MECOM: variants seen among roughly 807,000 people sequenced by gnomAD.
MECOM encodes the protein MDS1 and EVI1 complex locus, also known as histone-lysine N-methyltransferase MECOM.
In MECOM, 13 loss-of-function variants were observed where a neutral mutation model predicts 116.3. The ratio of observed to expected loss-of-function variants is 0.11; its 90% CI spans 0.07 to 0.18. MECOM has a LOEUF of 0.18. Ranked by LOEUF, MECOM falls within the 10% of genes least tolerant of loss-of-function variation. The pLI is 1.00. For missense variants in MECOM, 1,299 were observed against 1,509.0 expected (o/e 0.86, Z 2.31); for synonymous variants, 528 against 535.2 (o/e 0.99, Z 0.19).
intron 3 of MECOM, chr3:169,133,256 C>T (rs1030968236): frequency 6.6e-6 from 1 of 152,052 alleles, no homozygotes; most frequent in African/African-American, 2.4e-5. Flanking sequence ...AGAAAAGCTG[C>T]ATAAGTTGAT....
chr3:169,219,493 C>T (rs529048923), intron 2 of MECOM, among the ~76,000 whole-genome samples: 2 of 152,154 alleles, frequency 1.3e-5, no homozygotes, highest in East Asian at 1.9e-4. Context: ...GGCGACAGAG[C>T]GAGACTCCGT....
intron 1 of MECOM, among the ~76,000 whole-genome samples, chr3:169,649,156 G>T (rs1164976889): frequency 1.3e-5 from 2 of 152,068 alleles, no homozygotes; most frequent in East Asian, 1.9e-4. Context: ...AATGTGATAG[G>T]CAGACTTTCC....
intron 2 of MECOM, among the ~76,000 whole-genome samples, chr3:169,219,769 G>T (rs1220465460): frequency 6.7e-6 from 1 of 148,804 alleles, no homozygotes; most frequent in Admixed American, 6.7e-5. Context: ...ATATATAATG[G>T]TATATATATA....
At chr3:169,206,014 C>T (rs1488782115) in intron 2 of MECOM, among the ~76,000 whole-genome samples, 1 of 152,100 alleles carries the variant, frequency 6.6e-6, no homozygotes, top group African/African-American at 2.4e-5. Context: ...AGTAGCGCAG[C>T]CCCCTTTAGA....
chr3:169,257,966 A>G (rs1757056329), intron 2 of MECOM, among the ~76,000 whole-genome samples: 1 of 152,234 alleles, frequency 6.6e-6, no homozygotes, highest in African/African-American at 2.4e-5. Flanking sequence ...CATGCCCGCA[A>G]TATCAGCACT....
At chr3:169,452,314 A>G (rs1226094985) in intron 1 of MECOM, among the ~76,000 whole-genome samples, 1 of 151,046 alleles carries the variant, frequency 6.6e-6, no homozygotes, top group African/African-American at 2.5e-5. Flanking sequence ...ATTGTTAAAA[A>G]TTTTTAAATT....
intron 2 of MECOM, among the ~76,000 whole-genome samples, chr3:169,245,527 T>C (rs1333356230): frequency 6.6e-6 from 1 of 152,214 alleles, no homozygotes; most frequent in African/African-American, 2.4e-5. Context: ...TAGTTTTAAA[T>C]AATCATTTTT....
chr3:169,113,239 T>C (rs1728016355), intron 8 of MECOM, among the ~76,000 whole-genome samples: 1 of 152,070 alleles, frequency 6.6e-6, no homozygotes, highest in Non-Finnish European at 1.5e-5. Context: ...TCAAGGCTGA[T>C]TTTGAATATT....
At chr3:169,286,993 A>C (rs1419914535) in intron 2 of MECOM, among the ~76,000 whole-genome samples, 2 of 152,156 alleles carry the variant, frequency 1.3e-5, no homozygotes, top group South Asian at 2.1e-4. Flanking sequence ...ATGAGTCCTA[A>C]ATAATAAATC....
chr3:169,457,752 T>C lies in MECOM; in HGVS notation c.38-76228A>G, dbSNP rs183590775. ...GGCCACATACCTGTAATGCCATCAG[T>C]CTTCCAGGCCCTCACTGAGGATTTG... On this transcript the variant is annotated intron_variant, in intron 1 of 16. Transcript: ENST00000651503. 2.1e-3 allele frequency among the ~76,000 whole-genome samples: 320 copies of C among 152,344 alleles called. 2 individuals are homozygous for C. The highest frequency in any genetic ancestry group is 3.4e-3 in the Middle Eastern group (1 of 294).
intron 1 of MECOM, among the ~76,000 whole-genome samples, chr3:169,536,072 C>G (rs1294036274): frequency 2.6e-5 from 4 of 152,210 alleles, no homozygotes; most frequent in Non-Finnish European, 4.4e-5. Context: ...CACCCACCTT[C>G]TGGTACCATA....
intron 1 of MECOM, among the ~76,000 whole-genome samples, chr3:169,546,858 G>T (rs3922265): frequency 0.22 from 32,938 of 152,158 alleles, 4,630 homozygotes; most frequent in East Asian, 0.7. Flanking sequence ...TCCAAAGGGG[G>T]TTCCTAGAGC....
At chr3:169,369,421 A>T (rs1729723507) in intron 2 of MECOM, among the ~76,000 whole-genome samples, 1 of 135,368 alleles carries the variant, frequency 7.4e-6, no homozygotes, top group Non-Finnish European at 1.5e-5. Context: ...AATACGGCTC[A>T]CTGCATCCTT....
At chr3:169,282,681 G>C (rs573825200) in intron 2 of MECOM, among the ~76,000 whole-genome samples, 28 of 152,080 alleles carry the variant, frequency 1.8e-4, no homozygotes, top group Non-Finnish European at 2.6e-4. Context: ...CCCTCATTAA[G>C]AATGTAATCT....
chr3:169,593,939 T>C (rs1228550373), intron 1 of MECOM, among the ~76,000 whole-genome samples: 1 of 152,020 alleles, frequency 6.6e-6, no homozygotes, highest in Non-Finnish European at 1.5e-5. Flanking sequence ...GTCAACATAG[T>C]GAAACCTTGT....
intron 12 of MECOM, among the ~76,000 whole-genome samples, chr3:169,095,735 T>C (rs1379041573): frequency 6.6e-6 from 1 of 152,208 alleles, no homozygotes; most frequent in Non-Finnish European, 1.5e-5. Context: ...AGTTTCAAAA[T>C]AGCAATCAAT....
intron 13 of MECOM, among the ~76,000 whole-genome samples, chr3:169,094,558 A>G (rs916848103): frequency 4.6e-5 from 7 of 152,222 alleles, no homozygotes; most frequent in African/African-American, 1.7e-4. Flanking sequence ...AAGCACTACT[A>G]TCATTTGCTA....
intron 1 of MECOM, among the ~76,000 whole-genome samples, chr3:169,596,610 G>C (rs1254854627): frequency 2.6e-5 from 4 of 151,956 alleles, no homozygotes; most frequent in Non-Finnish European, 4.4e-5. Flanking sequence ...ACTGTACACA[G>C]ACCAGAAAAT....
intron 2 of MECOM, among the ~76,000 whole-genome samples, chr3:169,163,896 T>C (rs1743199103): frequency 6.6e-6 from 1 of 152,122 alleles, no homozygotes; most frequent in African/African-American, 2.4e-5. Context: ...ACTGGGGGTA[T>C]TTTCAAGACC....
Sources: allele counts gnomAD v4.1 joint callset (sites outside exome capture counted in the v4.1 genomes callset), GRCh38; gene constraint gnomAD v4.1.1; transcripts MANE v1.5; gene names NCBI Gene and HGNC (gene_info 2026-07-23, HGNC 2026-07-21).